NETO1: variants seen among roughly 807,000 people sequenced by gnomAD.
NETO1 encodes the protein neuropilin and tolloid like 1.
A neutral mutation model predicts 61.3 loss-of-function variants in NETO1; 26 were observed. The observed-to-expected ratio is 0.42, with a 90% CI of 0.31 to 0.59. NETO1 has a LOEUF of 0.59. NETO1 is among the 20% of genes least tolerant of loss of function. The pLI is 0.12. For synonymous variants in NETO1, 225 were observed against 225.8 expected (o/e 1.00, Z 0.03); for missense variants, 531 against 662.8 (o/e 0.80, Z 2.18).
At chr18:72,813,856 A>G (rs1165278520) in intron 4 of NETO1, among the ~76,000 whole-genome samples, 1 of 152,214 alleles carries the variant, frequency 6.6e-6, no homozygotes, top group East Asian at 1.9e-4. Flanking sequence ...TGAAATATTT[A>G]AAGAGATAAT....
intron 4 of NETO1, among the ~76,000 whole-genome samples, chr18:72,796,724 A>G (rs998855820): frequency 1.3e-5 from 2 of 152,120 alleles, no homozygotes; most frequent in African/African-American, 2.4e-5. Context: ...TTGGCCTCCC[A>G]AAGTGCTGGG....
chr18:72,857,119 G>A (rs567868505), intron 4 of NETO1, among the ~76,000 whole-genome samples: 22 of 152,282 alleles, frequency 1.4e-4, no homozygotes, highest in Admixed American at 1.3e-3. Flanking sequence ...TATGGTCCTA[G>A]CTTTCCCTCA....
intron 8 of NETO1, chr18:72,752,023 C>T (rs73968911): frequency 1.6e-3 from 244 of 152,228 alleles, no homozygotes; most frequent in African/African-American, 5.7e-3. Flanking sequence ...GGATAGGAGA[C>T]CACCTGGGAA....
intron 7 of NETO1, among the ~76,000 whole-genome samples, chr18:72,763,132 G>GTTTT (rs5826209): frequency 4.1e-5 from 6 of 146,584 alleles, no homozygotes; most frequent in Admixed American, 2.0e-4. Flanking sequence ...ATTAGATTTC[G>GTTTT]TTTTTTTTTT....
intron 4 of NETO1, among the ~76,000 whole-genome samples, chr18:72,824,237 C>T (rs571203274): frequency 3.2e-4 from 49 of 152,250 alleles, no homozygotes; most frequent in Non-Finnish European, 6.0e-4. Context: ...GGGTACTTAT[C>T]GAATAATTAC....
intron 4 of NETO1, among the ~76,000 whole-genome samples, chr18:72,846,906 C>T (rs553352215): frequency 6.6e-6 from 1 of 152,370 alleles, no homozygotes; most frequent in Admixed American, 6.5e-5. Flanking sequence ...GACCATTCCA[C>T]AAATTCTACT....
At chr18:72,852,945 G>A (rs956928941) in intron 4 of NETO1, among the ~76,000 whole-genome samples, 5 of 148,454 alleles carry the variant, frequency 3.4e-5, no homozygotes, top group East Asian at 2.0e-4. Flanking sequence ...CAATTCTCTC[G>A]CCTCAGTCTC....
At chr18:72,811,954 T>C (rs1164922329) in intron 4 of NETO1, among the ~76,000 whole-genome samples, 2 of 152,158 alleles carry the variant, frequency 1.3e-5, no homozygotes, top group African/African-American at 2.4e-5. Flanking sequence ...AGTTCAACAG[T>C]GTGTGGGAAT....
chr18:72,864,479 T>G (rs2145691582), intron 3 of NETO1, among the ~76,000 whole-genome samples: 1 of 152,344 alleles, frequency 6.6e-6, no homozygotes, highest in Admixed American at 6.5e-5. Flanking sequence ...TGCTAGTTTC[T>G]CACACTTACA....
chr18:72,796,763 C>T (rs868055055), intron 4 of NETO1, among the ~76,000 whole-genome samples: 1 of 150,646 alleles, frequency 6.6e-6, no homozygotes, highest in Admixed American at 6.6e-5. Flanking sequence ...CGCGCCCGGC[C>T]GAAAATAGAT....
chr18:72,843,366 T>C (rs764416560), intron 4 of NETO1, among the ~76,000 whole-genome samples: 1 of 152,202 alleles, frequency 6.6e-6, no homozygotes, highest in Non-Finnish European at 1.5e-5. Context: ...TACTCTTTTC[T>C]CTACCACCCT....
In NETO1 at chr18:72,805,024, G is replaced by C. The variant is rs186087309; in HGVS notation, c.470-10620C>G. On this transcript the variant is annotated intron_variant, in intron 4 of 10. Transcript: ENST00000327305. ...CCAGAATTTTTAAATTGTCTTGACT[G>C]TTACATTTTTATCAAATAAATGATA... Among the ~76,000 whole-genome samples, 16 of 152,248 alleles carry C rather than the reference G, an allele frequency of 1.1e-4. 1 individual carries two copies. The highest frequency in any genetic ancestry group is 6.5e-4 in the Admixed American group (10 of 15,292).
intron 4 of NETO1, among the ~76,000 whole-genome samples, chr18:72,850,375 T>C (rs975607909): frequency 2.6e-5 from 4 of 152,186 alleles, no homozygotes; most frequent in Admixed American, 6.5e-5. Context: ...GTAGTTGTAA[T>C]GGCATGCAAA....
At chr18:72,767,671 A>G (rs990947710) in intron 7 of NETO1, among the ~76,000 whole-genome samples, 1 of 152,134 alleles carries the variant, frequency 6.6e-6, no homozygotes, top group Non-Finnish European at 1.5e-5. Context: ...AATACTTTTG[A>G]CAGTTGTTTT....
chr18:72,820,943 A>G (rs1256844741), intron 4 of NETO1, among the ~76,000 whole-genome samples: 1 of 152,132 alleles, frequency 6.6e-6, no homozygotes, highest in African/African-American at 2.4e-5. Flanking sequence ...CCTCATAATA[A>G]ATCTCTAGGT....
At chr18:72,773,801 T>C (rs2145190093) in intron 7 of NETO1, among the ~76,000 whole-genome samples, 1 of 152,224 alleles carries the variant, frequency 6.6e-6, no homozygotes, top group South Asian at 2.1e-4. Context: ...CAGTCTTGAG[T>C]ATTTCTTCCT....
At chr18:72,836,228 C>T (rs1448433040) in intron 4 of NETO1, among the ~76,000 whole-genome samples, 1 of 152,114 alleles carries the variant, frequency 6.6e-6, no homozygotes, top group Non-Finnish European at 1.5e-5. Context: ...AGGGTGCTCC[C>T]CCTTTCTCTG....
Position 72,794,414 on chromosome 18 carries a change from T to C in NETO1, c.470-10A>G. The C allele has an allele frequency of 6.2e-7, 1 of 1,605,762 alleles. No individual in the cohort carries two copies. Among genetic ancestry groups the C allele is most frequent in the Non-Finnish European group, 8.5e-7 (1 of 1,178,066 alleles). ...TCCTTAAAGTCAGGATCTTAAAAAT[T>C]GAGAAAAAGACAATTAGTCCCATTC... On this transcript the variant is annotated splice_polypyrimidine_tract_variant and intron_variant, in intron 4 of 10. Transcript: ENST00000327305.
chr18:72,835,079 T>C lies in NETO1; in HGVS notation c.469+23747A>G. ...TCCTGGGGAAAATTGAACCTTCATCTGGGTTTCAAGGTAGGAGTTCTAATT... is the reference window on the plus strand; with the variant it reads ...TCCTGGGGAAAATTGAACCTTCATCCGGGTTTCAAGGTAGGAGTTCTAATT... On this transcript the variant is annotated intron_variant, in intron 4 of 10. Transcript: ENST00000327305. 3 of 1,093,124 alleles carry C rather than the reference T, an allele frequency of 2.7e-6. No individual in the cohort carries two copies. The South Asian group carries it at 1.3e-4, about 48-fold the overall frequency. The allele number at this position is 1,093,124 out of a possible 1,614,324, so 67.7% of individuals were successfully genotyped here.
Sources: gnomAD v4.1 joint callset for allele counts (sites outside exome capture counted in the v4.1 genomes callset) on GRCh38, gnomAD v4.1.1 for gene constraint, MANE v1.5 for transcripts, NCBI Gene and HGNC (gene_info 2026-07-23, HGNC 2026-07-21) for gene names.